The following TMEM260 variants were observed in gnomAD, a reference collection of about 807,000 sequenced individuals.
TMEM260 encodes the protein transmembrane protein 260.
TMEM260 carries 82 observed loss-of-function variants against 88.9 expected under a neutral mutation model. The observed-to-expected ratio is 0.92, with a 90% CI of 0.77 to 1.11. The LOEUF (loss-of-function observed/expected upper bound fraction) is 1.11. Ranked by LOEUF, TMEM260 falls within the 50% of genes least tolerant of loss-of-function variation. TMEM260 has a pLI of 0.00. For synonymous variants in TMEM260, 314 were observed against 309.3 expected, an observed-to-expected ratio of 1.02 and a Z score of -0.16; for missense variants, 902 against 853.4, an observed-to-expected ratio of 1.06 and a Z score of -0.71.
At chr14:56,586,749 G>T (rs955405307) in intron 3 of TMEM260, among the ~76,000 whole-genome samples, 5 of 151,848 alleles carry the variant, frequency 3.3e-5, no homozygotes, top group Non-Finnish European at 7.4e-5. Flanking sequence ...TGTCTTTTTT[G>T]GAGACCAATA....
intron 11 of TMEM260, among the ~76,000 whole-genome samples, chr14:56,622,342 CAAAAA>C (rs71448489): frequency 1.1e-5 from 1 of 87,264 alleles, no homozygotes; most frequent in Non-Finnish European, 2.1e-5. Flanking sequence ...GACTCCGTCT[CAAAAA>C]AAAAAAAAAA....
intron 12 of TMEM260, among the ~76,000 whole-genome samples, chr14:56,630,610 CCTT>C (rs1456212317): frequency 1.3e-5 from 2 of 152,072 alleles, no homozygotes; most frequent in African/African-American, 4.8e-5. Flanking sequence ...ATTTGCCCTT[CCTT>C]CTTGATGCAT....
At chr14:56,654,843 T>A (rs74244840), downstream of TMEM260, among the ~76,000 whole-genome samples, 5,258 of 82,238 alleles carry the variant, frequency 0.064, 392 homozygotes, top group African/African-American at 0.23. Flanking sequence ...AAAAAAAAAA[T>A]GTTAAATGTC....
chr14:56,589,483 T>A (rs1885717807), intron 3 of TMEM260, among the ~76,000 whole-genome samples: 1 of 152,172 alleles, frequency 6.6e-6, no homozygotes, highest in African/African-American at 2.4e-5. Context: ...AGGCAGTTTT[T>A]CAAATATTTT....
Position 56,605,654 on chromosome 14 carries a change from T to C in TMEM260, c.607T>C (p.Trp203Arg), listed in dbSNP as rs1244717681. Reference sequence around the variant, plus strand: ...ACTCTATGTTTTGTGCATAATACCTTGGATTCTCTTTCAACTTTTAAAAAA... The same window carrying C: ...ACTCTATGTTTTGTGCATAATACCTCGGATTCTCTTTCAACTTTTAAAAAA... ...IILYVLCIIP[W>R]ILFQLLKKKE... Residue 203 changes from tryptophan to arginine, a missense_variant, in exon 5 of 16, where the codon TGG (tryptophan) becomes CGG (arginine). Transcript: ENST00000261556. 2 of 1,585,144 alleles carry C rather than the reference T, an allele frequency of 1.3e-6. No homozygotes were observed. The highest frequency in any genetic ancestry group is 1.7e-4 in the Middle Eastern group (1 of 5,976).
In TMEM260 at chr14:56,633,173, T is replaced by G; in HGVS notation, c.1724+2T>G. 1 of 1,608,204 alleles carries G rather than the reference T, an allele frequency of 6.2e-7. No homozygotes were observed. The highest frequency in any genetic ancestry group is 8.5e-7 in the Non-Finnish European group (1 of 1,177,208). On this transcript the variant is annotated splice_donor_variant, in intron 13 of 15. Transcript: ENST00000261556. LOFTEE classifies it high-confidence loss of function. The stretch of plus-strand genomic sequence containing the variant: ...TAACTGGACCGAAGAATATGGAAGG[T>G]ATGAACAGCAGTTGTATTTTGATGC...
Position 56,585,798 on chromosome 14 carries a change from T to C in TMEM260, c.230T>C (p.Val77Ala). ...HPPGYPLFTL[V>A]AKLAITLFPF... Reference sequence around the variant, plus strand: ...CCTGGCTATCCTTTGTTCACGCTGGTGGCTAAACTGGCAATTACACTGTTT... The same window carrying C: ...CCTGGCTATCCTTTGTTCACGCTGGCGGCTAAACTGGCAATTACACTGTTT... Residue 77 changes from valine (V) to alanine (A), a missense_variant, in exon 3 of 16, where the codon GTG (valine) becomes GCG (alanine). Transcript: ENST00000261556. 1 of 1,613,322 alleles carries C rather than the reference T, an allele frequency of 6.2e-7. No individual in the cohort carries two copies. Among genetic ancestry groups the C allele is most frequent in the Non-Finnish European group, 8.5e-7 (1 of 1,179,614 alleles).
intron 13 of TMEM260, 79 bp from the exon 14 acceptor site, chr14:56,634,820 C>G: frequency 7.7e-7 from 1 of 1,291,986 alleles, no homozygotes; most frequent in Non-Finnish European, 1.1e-6. Flanking sequence ...CCAGCCTGGG[C>G]AGCAAGAGCA....
At chr14:56,635,185 G>A (rs1888947834) in intron 14 of TMEM260, among the ~76,000 whole-genome samples, 1 of 152,204 alleles carries the variant, frequency 6.6e-6, no homozygotes, top group African/African-American at 2.4e-5. Context: ...CAAACTGGAT[G>A]TGGAAAGGCT....
downstream of TMEM260, chr14:56,650,232 G>A: frequency 2.8e-6 from 1 of 354,452 alleles, no homozygotes; most frequent in Non-Finnish European, 5.5e-6. Context: ...AACCCCACAA[G>A]GCCAACTTCT....
chr14:56,580,085 C>A lies in TMEM260; in HGVS notation c.160+11C>A, dbSNP rs1225701029. On this transcript the variant is annotated intron_variant, in intron 1 of 15. Coordinates refer to ENST00000261556, the MANE Select transcript of TMEM260 (RefSeq NM_017799.4). ...CGGGGGGAGACTCCGGTAAAGTACT[C>A]GCAGGGTTGCCCCTTCTGTCCCTCT... 2.0e-5 allele frequency: 25 copies of A among 1,250,368 alleles called. No individual in the cohort carries two copies. Among genetic ancestry groups the A allele is most frequent in the Non-Finnish European group, 2.5e-5 (25 of 989,482 alleles). 77.5% of individuals were successfully genotyped at this position (1,250,368 alleles called of 1,614,324 possible).
At chr14:56,621,467 C>G (rs1270413217) in intron 10 of TMEM260, 64 bp from the exon 11 acceptor site, 30 of 1,234,270 alleles carry the variant, frequency 2.4e-5, no homozygotes. Context: ...AGAAAATAAG[C>G]CTAGTCTTAT....
intron 15 of TMEM260, among the ~76,000 whole-genome samples, chr14:56,642,860 C>T (rs1382231360): frequency 1.3e-5 from 2 of 152,112 alleles, no homozygotes; most frequent in African/African-American, 4.8e-5. Context: ...TACAAACTAC[C>T]ATCAGAGACT....
At chr14:56,620,141 G>A (rs1455707902) in intron 10 of TMEM260, among the ~76,000 whole-genome samples, 1 of 152,208 alleles carries the variant, frequency 6.6e-6, no homozygotes. Flanking sequence ...CTACTTGAGA[G>A]TGGAGGCTGG....
chr14:56,580,315 G>C (rs1457401915), intron 1 of TMEM260, among the ~76,000 whole-genome samples: 1 of 152,174 alleles, frequency 6.6e-6, no homozygotes, highest in African/African-American at 2.4e-5. Context: ...CGCCTGGTGG[G>C]GCTTATCGAC....
intron 3 of TMEM260, among the ~76,000 whole-genome samples, chr14:56,591,040 C>G (rs1885822292): frequency 6.6e-6 from 1 of 152,212 alleles, no homozygotes; most frequent in Non-Finnish European, 1.5e-5. Context: ...ATTTGCACAG[C>G]TACTGTGCTG....
rs976526910 is a variant in TMEM260 at position 56,603,987 on chromosome 14, T to A, written c.517T>A (p.Ser173Thr). 3 of 1,548,736 alleles carry A rather than the reference T, an allele frequency of 1.9e-6. No individual in the cohort carries two copies. Among genetic ancestry groups the A allele is most frequent in the Non-Finnish European group, 2.6e-6 (3 of 1,153,124 alleles). ...FEEAATAKER[S>T]KVAKIGAFCC... ...GGAAGCAGCAACTGCTAAGGAGAGATCAAAGGTAACCTATTTTGATCAAAG... is the reference window on the plus strand; with the variant it reads ...GGAAGCAGCAACTGCTAAGGAGAGAACAAAGGTAACCTATTTTGATCAAAG... Residue 173 changes from serine to threonine, a missense_variant, in exon 4 of 16, where the codon TCA (serine) becomes ACA (threonine). By Grantham distance (58) the Ser-to-Thr change is moderately conservative. Transcript: ENST00000261556.
chr14:56,636,299 G>A (rs769129267), intron 14 of TMEM260, among the ~76,000 whole-genome samples: 11 of 152,100 alleles, frequency 7.2e-5, no homozygotes, highest in Non-Finnish European at 1.2e-4. Context: ...AAAATATTTG[G>A]TCATTAGTGT....
intron 15 of TMEM260, among the ~76,000 whole-genome samples, chr14:56,640,768 A>G (rs559955484): frequency 8.7e-4 from 132 of 152,348 alleles, no homozygotes; most frequent in African/African-American, 3.0e-3. Flanking sequence ...AGACAAATGG[A>G]TAACTAGAAT....
Sources: gnomAD v4.1 joint callset for allele counts (sites outside exome capture counted in the v4.1 genomes callset) on GRCh38, gnomAD v4.1.1 for gene constraint, MANE v1.5 for transcripts, NCBI Gene and HGNC (gene_info 2026-07-23, HGNC 2026-07-21) for gene names.